The following CUL3 variants were observed in gnomAD, a reference collection of about 807,000 sequenced individuals.
CUL3 encodes cullin-3.
Under a neutral mutation model 89.1 loss-of-function variants are expected in CUL3, and 19 were observed. The observed-to-expected ratio is 0.21, with a 90% CI of 0.15 to 0.31. The LOEUF is 0.31. Among genes scored for constraint, CUL3 ranks in the 10% least tolerant of loss-of-function variants. The probability of loss-of-function intolerance (pLI) is 1.00; values close to 1 mark genes in which losing one functional copy is unlikely to be tolerated. For missense variants in CUL3, 469 were observed against 942.3 expected (o/e 0.50, Z 6.58); for synonymous variants, 351 against 308.4 (o/e 1.14, Z -1.45).
intron 2 of CUL3, among the ~76,000 whole-genome samples, chr2:224,553,775 G>C (rs796728503): frequency 1.6e-4 from 24 of 152,296 alleles, no homozygotes; most frequent in African/African-American, 5.8e-4. Context: ...ACTCTCACCA[G>C]AAAAATGAAC....
chr2:224,549,093 T>C (rs1056612032), intron 2 of CUL3, among the ~76,000 whole-genome samples: 2 of 152,078 alleles, frequency 1.3e-5, no homozygotes, highest in African/African-American at 4.8e-5. Context: ...GGCGGGTGGA[T>C]CATTGATGCT....
intron 2 of CUL3, among the ~76,000 whole-genome samples, chr2:224,553,678 A>G (rs1228617162): frequency 1.3e-5 from 2 of 152,316 alleles, no homozygotes; most frequent in South Asian, 2.1e-4. Flanking sequence ...TGGAACCATT[A>G]TAAGATACAT....
Position 224,471,126 on chromosome 2 carries a change from C to T in CUL3, c.*3119G>A. On this transcript the variant is annotated 3_prime_UTR_variant, in exon 16 of 16. Coordinates refer to ENST00000264414, the MANE Select transcript of CUL3 (RefSeq NM_003590.5). ...GGACTAGAAATGACTTCTAATTTTGCTGACCTGAAATGTTTTAACATTCGT... is the reference window on the plus strand; with the variant it reads ...GGACTAGAAATGACTTCTAATTTTGTTGACCTGAAATGTTTTAACATTCGT... The T allele has an allele frequency of 4.6e-6, 1 of 218,226 alleles. No individual in the cohort carries two copies. Among genetic ancestry groups the T allele is most frequent in the Non-Finnish European group, 9.2e-6 (1 of 108,590 alleles). The allele number at this position is 218,226 out of a possible 1,614,324, so 13.5% of individuals were successfully genotyped here.
At chr2:224,538,333 T>A (rs1049941750) in intron 2 of CUL3, among the ~76,000 whole-genome samples, 3 of 152,166 alleles carry the variant, frequency 2.0e-5, no homozygotes, top group African/African-American at 7.2e-5. Context: ...ATGGTAGGAA[T>A]GAGATGAAGA....
intron 4 of CUL3, 112 bp downstream of exon 4, chr2:224,514,500 A>C (rs1692960343): frequency 6.9e-6 from 6 of 870,640 alleles, no homozygotes; most frequent in Non-Finnish European, 1.0e-5. Context: ...GGATTTTCCC[A>C]ATGTGCTCAA....
chr2:224,506,994 C>T lies in CUL3; in HGVS notation c.893G>A (p.Cys298Tyr), dbSNP rs2106206590. ...CACACGACTAAATAACTTGTACATG[C>T]AACCAAGGTCTACAAATCAGAAAAC... Reference protein sequence around the residue: ...LKNGKTEDLGCMYKLFSRVPN... With the variant: ...LKNGKTEDLGYMYKLFSRVPN... The change falls in exon 7 of 16, where the codon TGC becomes TAC. Residue 298 changes from cysteine (C) to tyrosine (Y), a missense_variant. Transcript: ENST00000264414. 2 of 1,607,500 alleles carry T rather than the reference C, an allele frequency of 1.2e-6. No homozygotes were observed.
chr2:224,525,479 C>T (rs1300463676), intron 3 of CUL3, among the ~76,000 whole-genome samples: 1 of 152,034 alleles, frequency 6.6e-6, no homozygotes, highest in African/African-American at 2.4e-5. Flanking sequence ...ACATGTGGCA[C>T]AGTGATACAG....
At chr2:224,505,142 T>TG (rs1170175743) in intron 8 of CUL3, among the ~76,000 whole-genome samples, 16 of 151,518 alleles carry the variant, frequency 1.1e-4, no homozygotes, top group African/African-American at 3.6e-4. Flanking sequence ...TGTTCAGTTT[T>TG]TTTTTTTTTT....
intron 3 of CUL3, among the ~76,000 whole-genome samples, chr2:224,525,076 A>C (rs1693422057): frequency 6.6e-6 from 1 of 152,004 alleles, no homozygotes; most frequent in Non-Finnish European, 1.5e-5. Flanking sequence ...AAAAAACAGG[A>C]CAGTAAATTT....
At chr2:224,512,183 C>T (rs771587994) in intron 5 of CUL3, among the ~76,000 whole-genome samples, 32 of 152,090 alleles carry the variant, frequency 2.1e-4, no homozygotes, top group Non-Finnish European at 3.8e-4. Flanking sequence ...GCAAGCTCCA[C>T]CTCCCGGGTC....
chr2:224,569,984 G>A (rs1202637703), intron 1 of CUL3, among the ~76,000 whole-genome samples: 2 of 141,806 alleles, frequency 1.4e-5, no homozygotes, highest in African/African-American at 5.2e-5. Context: ...AAAAAGCTTT[G>A]GTACAAGCAT....
chr2:224,509,383 A>C (rs1692727637), intron 6 of CUL3, among the ~76,000 whole-genome samples: 1 of 152,046 alleles, frequency 6.6e-6, no homozygotes. Context: ...TGCCCAGCTA[A>C]TTTTTGTATT....
At chr2:224,536,343 A>G (rs1037661611) in intron 2 of CUL3, among the ~76,000 whole-genome samples, 2 of 152,142 alleles carry the variant, frequency 1.3e-5, no homozygotes, top group African/African-American at 4.8e-5. Context: ...ATTTTGCTCA[A>G]ATTTCATCTC....
rs1692487267 is a variant in CUL3 at position 224,503,775 on chromosome 2, A to G, written c.1254T>C (p.Leu418=). 1 of 1,603,732 alleles carries G rather than the reference A, an allele frequency of 6.2e-7. No individual in the cohort carries two copies. Among genetic ancestry groups the G allele is most frequent in the South Asian group, 1.1e-5 (1 of 88,434 alleles). Residue 418 remains leucine (L), a synonymous_variant, in exon 9 of 16, where the codon CTT becomes CTC. Coordinates refer to ENST00000264414, the MANE Select transcript of CUL3 (RefSeq NM_003590.5). ...VETILDKAMV[L]FRFMQEKDVF... is the part of the protein sequence containing the mutation. ...CATCTTTTTCTTGCATAAACCTAAAAAGGACCATTGCTTTATCCAATATTG... is the reference window on the plus strand; with the variant it reads ...CATCTTTTTCTTGCATAAACCTAAAGAGGACCATTGCTTTATCCAATATTG...
intron 13 of CUL3, among the ~76,000 whole-genome samples, chr2:224,493,452 A>T (rs1278585376): frequency 6.6e-6 from 1 of 152,224 alleles, no homozygotes; most frequent in Non-Finnish European, 1.5e-5. Context: ...GTCAGCAGCC[A>T]GAAGGCTTTG....
chr2:224,566,937 T>C (rs1328789331), intron 1 of CUL3, among the ~76,000 whole-genome samples: 1 of 152,202 alleles, frequency 6.6e-6, no homozygotes, highest in African/African-American at 2.4e-5. Flanking sequence ...CCTGGCTTCA[T>C]TTACCTTGAA....
chr2:224,550,876 CT>C (rs1662608001), intron 2 of CUL3, among the ~76,000 whole-genome samples: 1 of 152,126 alleles, frequency 6.6e-6, no homozygotes, highest in African/African-American at 2.4e-5. Flanking sequence ...CCTTAAATGG[CT>C]TCCTAACGTA....
chr2:224,489,043 C>A (rs564404504), intron 13 of CUL3, among the ~76,000 whole-genome samples: 1 of 152,238 alleles, frequency 6.6e-6, no homozygotes, highest in African/African-American at 2.4e-5. Flanking sequence ...CAGAAAAGAC[C>A]TTTGGTAAAA....
At chr2:224,510,168 T>C (rs963132509) in intron 6 of CUL3, among the ~76,000 whole-genome samples, 3 of 151,516 alleles carry the variant, frequency 2.0e-5, no homozygotes, top group African/African-American at 7.3e-5. Context: ...TGCCAACCCC[T>C]GACTTGGACC....
Sources: allele counts gnomAD v4.1 joint callset (sites outside exome capture counted in the v4.1 genomes callset), GRCh38; gene constraint gnomAD v4.1.1; transcripts MANE v1.5; gene names NCBI Gene and HGNC (gene_info 2026-07-23, HGNC 2026-07-21).